COL21A1: variants seen among roughly 807,000 people sequenced by gnomAD.
The protein encoded by COL21A1 is collagen alpha-1(XXI) chain.
A neutral mutation model predicts 137.9 loss-of-function variants in COL21A1; 149 were observed. The ratio of observed to expected loss-of-function variants is 1.08; its 90% CI spans 0.95 to 1.24. The LOEUF (loss-of-function observed/expected upper bound fraction) is 1.24. Among genes scored for constraint, COL21A1 ranks in the 50% most tolerant of loss-of-function variants. The pLI, the probability that COL21A1 is intolerant of heterozygous loss-of-function variation, is 0.00. For synonymous variants in COL21A1, 456 were observed against 391.5 expected (o/e 1.16, Z -1.95); for missense variants, 1,167 against 1,158.4 (o/e 1.01, Z -0.11).
At chr6:56,165,506 C>A (rs907990503) in intron 7 of COL21A1, among the ~76,000 whole-genome samples, 3 of 152,150 alleles carry the variant, frequency 2.0e-5, no homozygotes, top group African/African-American at 7.2e-5. Context: ...GCAGAGACAT[C>A]AATAAATGAA....
rs531497622 is a variant in COL21A1 at position 56,155,200 on chromosome 6, A to T, written c.1434+1687T>A. Among the ~76,000 whole-genome samples, 5 of 152,288 alleles carry T rather than the reference A, an allele frequency of 3.3e-5. No individual in the cohort carries two copies. The East Asian group carries it at 9.6e-4, about 29-fold the overall frequency. On this transcript the variant is annotated intron_variant, in intron 10 of 29. Coordinates refer to ENST00000244728, the MANE Select transcript of COL21A1 (RefSeq NM_030820.4). Reference sequence around the variant, plus strand: ...TTTTCTGTGTTAGTTTGCTAAGGATAATTAACCTCCCTTTTTGGATAATCT... The same window carrying T: ...TTTTCTGTGTTAGTTTGCTAAGGATTATTAACCTCCCTTTTTGGATAATCT...
At chr6:56,194,066 G>A (rs1309424735) in intron 1 of COL21A1, among the ~76,000 whole-genome samples, 1 of 152,164 alleles carries the variant, frequency 6.6e-6, no homozygotes, top group Non-Finnish European at 1.5e-5. Context: ...TCATCACCAG[G>A]ATGTGCTGTT....
At chr6:56,194,479 T>C (rs531088777) in intron 1 of COL21A1, among the ~76,000 whole-genome samples, 2 of 152,280 alleles carry the variant, frequency 1.3e-5, no homozygotes, top group Non-Finnish European at 2.9e-5. Flanking sequence ...AAGAGACCAA[T>C]TATTCTTTAA....
Position 56,061,661 on chromosome 6 carries a change from A to G in COL21A1, c.2193T>C (p.Gly731=), listed in dbSNP as rs755921723. 1 of 1,589,208 alleles carries G rather than the reference A, an allele frequency of 6.3e-7. No individual in the cohort carries two copies. The highest frequency in any genetic ancestry group is 1.1e-5 in the South Asian group (1 of 88,248). ...PGQQGIQGHH[G]AKGERGEKGE... ...TGAAGAAACATACCTCTCCTTTTGC[A>G]CCATGATGGCCTTGAATTCCCTTTG... is the stretch of plus-strand genomic sequence containing the variant. Residue 731 remains glycine (G), a synonymous_variant, in exon 25 of 30, where the codon GGT becomes GGC. Coordinates refer to ENST00000244728, the MANE Select transcript of COL21A1 (RefSeq NM_030820.4).
In COL21A1 at chr6:56,100,070, C is replaced by T. The variant is rs1037457593; in HGVS notation, c.1812+1402G>A. Among the ~76,000 whole-genome samples, 6 of 152,338 alleles carry T rather than the reference C, an allele frequency of 3.9e-5. No individual in the cohort carries two copies. In the East Asian group the frequency reaches 5.8e-4, roughly 15 times the overall value. ...ACTTTTCAAACTTGCAGTCAAGGTT[C>T]TCCATTTTATGGCCCTAGCCAAGTT... On this transcript the variant is annotated intron_variant, in intron 17 of 29. Coordinates refer to ENST00000244728, the MANE Select transcript of COL21A1 (RefSeq NM_030820.4).
intron 23 of COL21A1, among the ~76,000 whole-genome samples, chr6:56,066,817 A>G (rs1236136108): frequency 6.6e-6 from 1 of 151,578 alleles, no homozygotes; most frequent in Non-Finnish European, 1.5e-5. Context: ...ATCACCCTAG[A>G]TTTCCCTAGC....
intron 1 of COL21A1, among the ~76,000 whole-genome samples, chr6:56,282,086 C>T (rs1763799339): frequency 6.6e-6 from 1 of 152,046 alleles, no homozygotes. Context: ...AGCACTGGTG[C>T]CTTCAAATTT....
At chr6:56,152,990 C>T (rs1775440491) in intron 10 of COL21A1, among the ~76,000 whole-genome samples, 2 of 152,076 alleles carry the variant, frequency 1.3e-5, no homozygotes, top group Admixed American at 1.3e-4. Context: ...TAGGGCGAAA[C>T]TCACATAGGA....
chr6:56,122,733 G>A (rs1561888551), intron 16 of COL21A1, among the ~76,000 whole-genome samples: 1 of 152,142 alleles, frequency 6.6e-6, no homozygotes, highest in Non-Finnish European at 1.5e-5. Flanking sequence ...GAATCTTAAA[G>A]CTGTGTTCAA....
chr6:56,391,640 G>A (rs1372023269), intron 1 of COL21A1, among the ~76,000 whole-genome samples: 1 of 152,100 alleles, frequency 6.6e-6, no homozygotes, highest in Non-Finnish European at 1.5e-5. Flanking sequence ...AGGATTATTA[G>A]AGACCATTAT....
chr6:56,107,017 A>G (rs1190937937), intron 16 of COL21A1, among the ~76,000 whole-genome samples: 2 of 152,014 alleles, frequency 1.3e-5, no homozygotes, highest in African/African-American at 4.8e-5. Context: ...TCGATCTCCT[A>G]ACCTCATGAT....
At chr6:56,176,312 A>G (rs2152277402) in intron 3 of COL21A1, among the ~76,000 whole-genome samples, 1 of 151,460 alleles carries the variant, frequency 6.6e-6, no homozygotes, top group South Asian at 2.1e-4. Context: ...AGCAAAGGAG[A>G]AAAAAAACTC....
chr6:56,289,042 A>T (rs890494604), intron 1 of COL21A1, among the ~76,000 whole-genome samples: 1 of 152,194 alleles, frequency 6.6e-6, no homozygotes, highest in Admixed American at 6.5e-5. Context: ...GGTCATATTA[A>T]CTTTAAAATG....
intron 1 of COL21A1, among the ~76,000 whole-genome samples, chr6:56,228,038 G>A (rs140861038): frequency 4.5e-4 from 69 of 152,026 alleles, no homozygotes; most frequent in African/African-American, 1.6e-3. Context: ...TATTTATGAA[G>A]TGAACCGCCC....
At chr6:56,114,213 G>A (rs934106110) in intron 16 of COL21A1, among the ~76,000 whole-genome samples, 8 of 152,320 alleles carry the variant, frequency 5.3e-5, no homozygotes, top group African/African-American at 7.2e-5. Context: ...GGCCTTGAAC[G>A]AACATAGGCA....
At chr6:56,126,747 T>G (rs1773078994) in intron 12 of COL21A1, 1 of 152,196 alleles carries the variant, frequency 6.6e-6, no homozygotes, top group African/African-American at 2.4e-5. Flanking sequence ...ATATGTTGGA[T>G]GATACTGCTT....
intron 1 of COL21A1, among the ~76,000 whole-genome samples, chr6:56,301,021 A>T (rs1279157351): frequency 6.6e-6 from 1 of 152,156 alleles, no homozygotes; most frequent in African/African-American, 2.4e-5. Context: ...CCCAATTGTT[A>T]CTCTCAAGGA....
At chr6:56,352,071 C>T (rs1175596112) in intron 1 of COL21A1, among the ~76,000 whole-genome samples, 1 of 152,134 alleles carries the variant, frequency 6.6e-6, no homozygotes, top group African/African-American at 2.4e-5. Context: ...GAGTTCAAGA[C>T]AGCCTGGGAA....
At chr6:56,374,983 A>G (rs1251417889) in intron 1 of COL21A1, among the ~76,000 whole-genome samples, 4 of 152,168 alleles carry the variant, frequency 2.6e-5, no homozygotes, top group Admixed American at 2.6e-4. Context: ...TTCAACCCTC[A>G]TCTAGTGTCA....
Sources: allele counts gnomAD v4.1 joint callset (sites outside exome capture counted in the v4.1 genomes callset), GRCh38; gene constraint gnomAD v4.1.1; transcripts MANE v1.5; gene names NCBI Gene and HGNC (gene_info 2026-07-23, HGNC 2026-07-21).